ZNF704: variants seen among roughly 807,000 people sequenced by gnomAD.
ZNF704 encodes the protein zinc finger protein 704.
A neutral mutation model predicts 44.7 loss-of-function variants in ZNF704; 10 were observed. The ratio of observed to expected loss-of-function variants is 0.22; its 90% confidence interval spans 0.14 to 0.38. ZNF704 has a LOEUF of 0.38. Ranked by LOEUF, ZNF704 falls within the 10% of genes least tolerant of loss-of-function variation. The probability of loss-of-function intolerance (pLI) is 1.00; values close to 1 mark genes in which losing one functional copy is unlikely to be tolerated. For missense variants in ZNF704, 390 were observed against 545.5 expected, an observed-to-expected ratio of 0.71 and a Z score of 2.84; for synonymous variants, 211 against 207.6, an observed-to-expected ratio of 1.02 and a Z score of -0.14.
At chr8:80,717,403 C>G (rs1819087634) in intron 2 of ZNF704, among the ~76,000 whole-genome samples, 1 of 152,254 alleles carries the variant, frequency 6.6e-6, no homozygotes, top group Non-Finnish European at 1.5e-5. Flanking sequence ...ATGGGGCAAA[C>G]AGAGACTCTG....
At chr8:80,849,489 G>A (rs1808822410) in intron 1 of ZNF704, among the ~76,000 whole-genome samples, 1 of 152,130 alleles carries the variant, frequency 6.6e-6, no homozygotes, top group Admixed American at 6.5e-5. Flanking sequence ...CATCAGAGGT[G>A]GAATTTATTT....
At chr8:80,656,615 G>A (rs978018611) in intron 7 of ZNF704, among the ~76,000 whole-genome samples, 8 of 152,208 alleles carry the variant, frequency 5.3e-5, no homozygotes, top group African/African-American at 1.9e-4. Flanking sequence ...CCTCCGGGAA[G>A]AGGTCTTACC....
chr8:80,798,133 C>G (rs1458968960), intron 2 of ZNF704, among the ~76,000 whole-genome samples: 1 of 151,878 alleles, frequency 6.6e-6, no homozygotes, highest in African/African-American at 2.4e-5. Flanking sequence ...TCCATAATAT[C>G]CTTAGACATG....
intron 2 of ZNF704, among the ~76,000 whole-genome samples, chr8:80,779,164 C>T (rs537809999): frequency 4.8e-4 from 73 of 151,510 alleles, no homozygotes; most frequent in African/African-American, 1.6e-3. Flanking sequence ...CCTTCCTCTC[C>T]CATTTGTCTC....
At chr8:80,741,255 G>A (rs890384016) in intron 2 of ZNF704, among the ~76,000 whole-genome samples, 6 of 152,304 alleles carry the variant, frequency 3.9e-5, no homozygotes, top group Middle Eastern at 3.4e-3. Flanking sequence ...AAGCAGAAGC[G>A]GCTTTCCAGG....
At chr8:80,816,586 G>A (rs1307102842) in intron 2 of ZNF704, among the ~76,000 whole-genome samples, 1 of 152,160 alleles carries the variant, frequency 6.6e-6, no homozygotes, top group Non-Finnish European at 1.5e-5. Context: ...CTCTCAGAGA[G>A]AGATCAGCCC....
chr8:80,845,567 G>A (rs953233967), intron 1 of ZNF704, among the ~76,000 whole-genome samples: 2 of 152,266 alleles, frequency 1.3e-5, no homozygotes, highest in South Asian at 2.1e-4. Flanking sequence ...CAGCAATGAC[G>A]AAGAAATTAT....
chr8:80,669,039 G>T (rs11989611), intron 5 of ZNF704, among the ~76,000 whole-genome samples: 14,432 of 152,116 alleles, frequency 0.095, 2,276 homozygotes, highest in African/African-American at 0.33. Flanking sequence ...GTGGTTGCAT[G>T]TTAGATTCCA....
chr8:80,813,026 A>G (rs1808115086), intron 2 of ZNF704, among the ~76,000 whole-genome samples: 1 of 152,238 alleles, frequency 6.6e-6, no homozygotes, highest in Non-Finnish European at 1.5e-5. Flanking sequence ...AATTCTGCAG[A>G]GGCAACCTAC....
At chr8:80,824,138 G>A (rs1808328227) in intron 1 of ZNF704, among the ~76,000 whole-genome samples, 1 of 152,170 alleles carries the variant, frequency 6.6e-6, no homozygotes. Flanking sequence ...CGAGCTAAAG[G>A]AGGATGTTCG....
At chr8:80,834,933 T>C (rs528664185) in intron 1 of ZNF704, among the ~76,000 whole-genome samples, 19 of 152,268 alleles carry the variant, frequency 1.2e-4, no homozygotes, top group Admixed American at 4.6e-4. Flanking sequence ...CAGCCTATCA[T>C]TGATGGACAT....
rs984480147 is a variant in ZNF704 at position 80,637,252 on chromosome 8, T to C, written c.*4114A>G. 2 of 152,242 alleles carry C rather than the reference T, an allele frequency of 1.3e-5. No homozygotes were observed. Among genetic ancestry groups the C allele is most frequent in the African/African-American group, 4.8e-5 (2 of 41,470 alleles). 9.4% of individuals were successfully genotyped at this position (152,242 alleles called of 1,614,324 possible). On this transcript the variant is annotated 3_prime_UTR_variant, in exon 9 of 9. Coordinates refer to ENST00000327835, the MANE Select transcript of ZNF704 (RefSeq NM_001033723.3). ...TTCTGACTATAAAAGACTTTAGTGA[T>C]AACAAAATTCTTCCTAGTTTCAGGA...
intron 2 of ZNF704, among the ~76,000 whole-genome samples, chr8:80,789,544 T>G (rs1017001102): frequency 6.6e-6 from 1 of 152,110 alleles, no homozygotes; most frequent in South Asian, 2.1e-4. Context: ...GATAAGAGTT[T>G]TGAGACTAGC....
In ZNF704 at chr8:80,698,717, A is replaced by C. The variant is rs1290911073; in HGVS notation, c.222-5610T>G. The stretch of plus-strand genomic sequence containing the variant: ...AGGTTGCAGAATGACATCATCTACT[A>C]CATGAAGAGGCAATCAGCGCAGTGC... On this transcript the variant is annotated intron_variant, in intron 2 of 8. Coordinates refer to ENST00000327835, the MANE Select transcript of ZNF704 (RefSeq NM_001033723.3). Among the ~76,000 whole-genome samples, 3 of 152,236 alleles carry C rather than the reference A, an allele frequency of 2.0e-5. No individual in the cohort carries two copies. In the East Asian group the frequency reaches 5.8e-4, roughly 29 times the overall value.
At chr8:80,880,432 C>T in the ZNF704 span, among the ~76,000 whole-genome samples, 2 of 152,172 alleles carry the variant, frequency 1.3e-5, no homozygotes. Flanking sequence ...CTGAAACATA[C>T]AAATTTGTAG....
chr8:80,684,955 C>T (rs778278310), intron 4 of ZNF704, among the ~76,000 whole-genome samples: 7 of 152,030 alleles, frequency 4.6e-5, no homozygotes, highest in Admixed American at 1.3e-4. Flanking sequence ...TGTGTAAAAT[C>T]CATGCATTAA....
intron 2 of ZNF704, among the ~76,000 whole-genome samples, chr8:80,749,039 A>G (rs1280971314): frequency 6.6e-6 from 1 of 152,198 alleles, no homozygotes; most frequent in Non-Finnish European, 1.5e-5. Flanking sequence ...TCATCTACTA[A>G]TGAGTGAGGT....
chr8:80,782,504 C>T (rs1372290567), intron 2 of ZNF704, among the ~76,000 whole-genome samples: 2 of 152,068 alleles, frequency 1.3e-5, no homozygotes, highest in Admixed American at 6.6e-5. Flanking sequence ...AATACAATTA[C>T]GATGTCCAGA....
chr8:80,718,484 G>A (rs190758547), intron 2 of ZNF704, among the ~76,000 whole-genome samples: 147 of 152,298 alleles, frequency 9.7e-4, no homozygotes, highest in Middle Eastern at 3.4e-3. Flanking sequence ...GCTTCAGCCC[G>A]TAAAATTGGA....
Sources: gnomAD v4.1 joint callset for allele counts (sites outside exome capture counted in the v4.1 genomes callset) on GRCh38, gnomAD v4.1.1 for gene constraint, MANE v1.5 for transcripts, NCBI Gene and HGNC (gene_info 2026-07-23, HGNC 2026-07-21) for gene names.